Variants in SKIC3 observed in about 807,000 individuals in gnomAD.
SKIC3 encodes the protein superkiller complex protein 3.
chr5:95,498,420 G>A, the SKIC3 span: 3 of 1,614,028 alleles, frequency 1.9e-6, no homozygotes, highest in East Asian at 2.2e-5. Context: ...TGCGGCCTTG[G>A]AGTGCATAAA....
At chr5:95,527,924 T>C in the SKIC3 span, 4 of 1,440,748 alleles carry the variant, frequency 2.8e-6, no homozygotes, top group Non-Finnish European at 3.9e-6. Flanking sequence ...AAAATCCATA[T>C]AAGTAAATTT....
At chr5:95,523,400 A>G in the SKIC3 span, 2 of 1,464,960 alleles carry the variant, frequency 1.4e-6, no homozygotes, top group Non-Finnish European at 1.9e-6. Context: ...TAAAGTACAC[A>G]AACATATTTT....
chr5:95,514,808 T>C, the SKIC3 span: 6 of 1,586,938 alleles, frequency 3.8e-6, no homozygotes, highest in Non-Finnish European at 4.3e-6. Context: ...ATTAGTCAGT[T>C]ATTGATATCA....
chr5:95,472,057 T>C, the SKIC3 span, among the ~76,000 whole-genome samples: 3 of 152,200 alleles, frequency 2.0e-5, no homozygotes, highest in Non-Finnish European at 2.9e-5. Flanking sequence ...ATGTATTCTA[T>C]TCTTCTCACT....
chr5:95,491,034 C>T, the SKIC3 span: 2 of 1,613,850 alleles, frequency 1.2e-6, no homozygotes, highest in Non-Finnish European at 1.7e-6. Context: ...ATAGCAGGAT[C>T]ACCTGAAAAC....
the SKIC3 span, chr5:95,516,337 C>G: frequency 3.1e-6 from 5 of 1,612,274 alleles, no homozygotes; most frequent in Non-Finnish European, 4.2e-6. Context: ...ATATGACAGA[C>G]AGGCAACATA....
the SKIC3 span, chr5:95,546,975 A>G: frequency 1.5e-6 from 2 of 1,375,416 alleles, no homozygotes; most frequent in Non-Finnish European, 2.1e-6. Context: ...TGCTGTTTGG[A>G]CAGGAAATAA....
At chr5:95,486,012 T>C in the SKIC3 span, among the ~76,000 whole-genome samples, 1 of 152,172 alleles carries the variant, frequency 6.6e-6, no homozygotes, top group Non-Finnish European at 1.5e-5. Context: ...CCATGGACTC[T>C]GATAATTCTA....
At chr5:95,520,669 T>C in the SKIC3 span, 2 of 1,488,654 alleles carry the variant, frequency 1.3e-6, no homozygotes, top group Non-Finnish European at 1.8e-6. Flanking sequence ...TTTGGCTTCA[T>C]TTTAATATTA....
chr5:95,478,276 T>C, the SKIC3 span: 26 of 1,613,202 alleles, frequency 1.6e-5, 1 homozygote, highest in Non-Finnish European at 2.1e-5. Flanking sequence ...ATCATAATTA[T>C]AACATGATCT....
At chr5:95,533,816 T>C in the SKIC3 span, among the ~76,000 whole-genome samples, 1 of 152,206 alleles carries the variant, frequency 6.6e-6, no homozygotes, top group South Asian at 2.1e-4. Context: ...CAAAACTCTG[T>C]AGACTATTGT....
At chr5:95,523,850 T>C in the SKIC3 span, 1 of 1,610,226 alleles carries the variant, frequency 6.2e-7, no homozygotes, top group South Asian at 1.1e-5. Context: ...AAATAAATAT[T>C]GATAATAACA....
the SKIC3 span, among the ~76,000 whole-genome samples, chr5:95,553,704 C>G: frequency 6.6e-6 from 1 of 152,164 alleles, no homozygotes; most frequent in African/African-American, 2.4e-5. Context: ...GGATTACAGG[C>G]GCCCGCCACC....
chr5:95,487,016 C>T, the SKIC3 span, among the ~76,000 whole-genome samples: 1 of 152,206 alleles, frequency 6.6e-6, no homozygotes, highest in African/African-American at 2.4e-5. Context: ...AAGAGAATAA[C>T]ATGTGAGTCA....
chr5:95,469,711 CTTGA>C, the SKIC3 span: 99 of 1,597,550 alleles, frequency 6.2e-5, no homozygotes, highest in East Asian at 2.0e-3. Flanking sequence ...ATAATCTTTC[CTTGA>C]TTATTTCCTA....
At chr5:95,530,312 G>T in the SKIC3 span, 1 of 1,522,284 alleles carries the variant, frequency 6.6e-7, no homozygotes, top group South Asian at 1.2e-5. Flanking sequence ...CTCAAAATCT[G>T]CCTTTATATT....
At chr5:95,475,313 G>A in the SKIC3 span, among the ~76,000 whole-genome samples, 1 of 152,146 alleles carries the variant, frequency 6.6e-6, no homozygotes, top group Non-Finnish European at 1.5e-5. Flanking sequence ...CCTGGTGGGA[G>A]GTGATTGGAT....
chr5:95,529,529 C>T, the SKIC3 span, among the ~76,000 whole-genome samples: 1 of 152,150 alleles, frequency 6.6e-6, no homozygotes, highest in Admixed American at 6.6e-5. Context: ...ACACTTCATT[C>T]TCAAACCCTG....
the SKIC3 span, chr5:95,541,671 C>T: frequency 1.5e-6 from 1 of 671,678 alleles, no homozygotes; most frequent in Non-Finnish European, 2.5e-6. Context: ...ATTTTAATCA[C>T]AAAAGATTCT....
Sources: allele counts gnomAD v4.1 joint callset (sites outside exome capture counted in the v4.1 genomes callset), GRCh38; gene constraint gnomAD v4.1.1; transcripts MANE v1.5; gene names NCBI Gene and HGNC (gene_info 2026-07-23, HGNC 2026-07-21).